ARHGAP24: variants seen among roughly 807,000 people sequenced by gnomAD.
ARHGAP24 encodes the protein Rho GTPase activating protein 24.
Under a neutral mutation model 76.4 loss-of-function variants are expected in ARHGAP24, and 50 were observed. The observed-to-expected ratio is 0.65, with a 90% CI of 0.52 to 0.83. The LOEUF is 0.83. Ranked by LOEUF, ARHGAP24 falls within the 40% of genes least tolerant of loss-of-function variation. The pLI, the probability that ARHGAP24 is intolerant of heterozygous loss-of-function variation, is 0.00. For synonymous variants in ARHGAP24, 345 were observed against 323.3 expected (o/e 1.07, Z -0.72); for missense variants, 930 against 914.2 (o/e 1.02, Z -0.22).
intron 2 of ARHGAP24, among the ~76,000 whole-genome samples, chr4:85,623,677 T>C (rs1219176617): frequency 2.0e-5 from 3 of 151,822 alleles, no homozygotes; most frequent in Admixed American, 1.3e-4. Flanking sequence ...TAAATTACCA[T>C]GGGCAGTATG....
chr4:85,492,068 T>C lies in ARHGAP24; in HGVS notation c.-21+16509T>C, dbSNP rs181841476. On this transcript the variant is annotated intron_variant, in intron 1 of 9. Transcript: ENST00000395184. ...TCCTCGCCATTCCCTCTTCCTCCCG[T>C]ATTTCCTCCCTCTTCCCTCCTCCCT... is the stretch of plus-strand genomic sequence containing the variant. Among the ~76,000 whole-genome samples, 359 of 151,932 alleles carry C rather than the reference T, an allele frequency of 2.4e-3. 1 individual carries two copies. Among genetic ancestry groups the C allele is most frequent in the African/African-American group, 7.1e-3 (294 of 41,438 alleles).
intron 3 of ARHGAP24, among the ~76,000 whole-genome samples, chr4:85,902,617 T>A (rs1734563858): frequency 6.6e-6 from 1 of 152,182 alleles, no homozygotes; most frequent in Non-Finnish European, 1.5e-5. Context: ...ATTTTTTATT[T>A]TTTTGAACCG....
At chr4:85,943,303 A>G (rs937133337) in intron 5 of ARHGAP24, among the ~76,000 whole-genome samples, 1 of 152,178 alleles carries the variant, frequency 6.6e-6, no homozygotes. Flanking sequence ...TGATTTATAA[A>G]CAAAATTTAT....
In ARHGAP24 at chr4:85,995,278, A is replaced by G; in HGVS notation, c.1624A>G (p.Met542Val). ...TAATGTCCATCAACAGTTCTCCATG[A>G]TGAACCTTGATGACAAGCAGAGCAT... ...YDNVHQQFSM[M>V]NLDDKQSIDS... The change falls in exon 9 of 10, where the codon ATG becomes GTG. Residue 542 changes from methionine (M) to valine (V), a missense_variant. Transcript: ENST00000395184. 6.2e-7 allele frequency: 1 copy of G among 1,614,032 alleles called. No homozygotes were observed. The highest frequency in any genetic ancestry group is 1.3e-5 in the African/African-American group (1 of 74,992).
At chr4:85,621,993 G>A (rs1286665515) in intron 2 of ARHGAP24, among the ~76,000 whole-genome samples, 6 of 151,762 alleles carry the variant, frequency 4.0e-5, no homozygotes, top group Non-Finnish European at 2.9e-5. Context: ...ATTGCTTCTC[G>A]CTTAGAACTT....
At chr4:85,664,521 G>T (rs548928922) in intron 2 of ARHGAP24, among the ~76,000 whole-genome samples, 1 of 150,362 alleles carries the variant, frequency 6.7e-6, no homozygotes, top group East Asian at 1.9e-4. Flanking sequence ...CTTCAGTTCT[G>T]CTCTGATTTT....
intron 3 of ARHGAP24, among the ~76,000 whole-genome samples, chr4:85,894,330 G>A (rs184293652): frequency 6.6e-6 from 1 of 152,064 alleles, no homozygotes; most frequent in African/African-American, 2.4e-5. Context: ...ACAAGAAGAG[G>A]GTCACTATTT....
intron 6 of ARHGAP24, among the ~76,000 whole-genome samples, chr4:85,973,999 A>T: frequency 7.2e-6 from 1 of 138,912 alleles, no homozygotes. Context: ...CCCGCCACCA[A>T]GCCTGGCTAA....
At chr4:85,795,365 A>G (rs1309034733) in intron 3 of ARHGAP24, among the ~76,000 whole-genome samples, 2 of 152,140 alleles carry the variant, frequency 1.3e-5, no homozygotes, top group Non-Finnish European at 2.9e-5. Context: ...TATTGGTTGT[A>G]GATTCCAGCA....
chr4:85,886,578 GT>G (rs1733580352), intron 3 of ARHGAP24, among the ~76,000 whole-genome samples: 1 of 152,102 alleles, frequency 6.6e-6, no homozygotes, highest in Non-Finnish European at 1.5e-5. Context: ...GGGAATGATA[GT>G]CATTTAGTGT....
chr4:85,775,072 T>C (rs1472305112), intron 3 of ARHGAP24, among the ~76,000 whole-genome samples: 18 of 152,020 alleles, frequency 1.2e-4, no homozygotes, highest in Admixed American at 1.2e-3. Flanking sequence ...ACTACTAAAA[T>C]GGATAATAAG....
intron 1 of ARHGAP24, among the ~76,000 whole-genome samples, chr4:85,557,195 A>G (rs1726417219): frequency 6.6e-6 from 1 of 152,190 alleles, no homozygotes; most frequent in Non-Finnish European, 1.5e-5. Flanking sequence ...CCCCAGGCCA[A>G]TGGGCCTTAT....
intron 1 of ARHGAP24, among the ~76,000 whole-genome samples, chr4:85,527,381 G>A (rs1349126579): frequency 6.6e-6 from 1 of 151,932 alleles, no homozygotes; most frequent in African/African-American, 2.4e-5. Flanking sequence ...ATGATAAATG[G>A]CATATTTTCT....
intron 2 of ARHGAP24, among the ~76,000 whole-genome samples, chr4:85,716,211 C>T (rs1013190509): frequency 2.0e-5 from 3 of 152,012 alleles, no homozygotes; most frequent in African/African-American, 7.2e-5. Context: ...CTACCCTTAC[C>T]CCAATCTCTT....
chr4:85,681,710 T>A lies in ARHGAP24; in HGVS notation c.181-40175T>A, dbSNP rs149852334. The stretch of plus-strand genomic sequence containing the variant: ...GCATGCAAAACACAATAGGTAACAG[T>A]TCTTCATGCAGGATCCTCTACAGGA... On this transcript the variant is annotated intron_variant, in intron 2 of 9. Transcript: ENST00000395184. Among the ~76,000 whole-genome samples, 772 of 152,322 alleles carry A rather than the reference T, an allele frequency of 5.1e-3. 4 individuals carry two copies. Among genetic ancestry groups the A allele is most frequent in the African/African-American group, 0.018 (740 of 41,562 alleles).
intron 3 of ARHGAP24, among the ~76,000 whole-genome samples, chr4:85,866,720 TCCCTTC>T (rs1350185033): frequency 3.9e-5 from 6 of 152,038 alleles, no homozygotes; most frequent in Non-Finnish European, 8.8e-5. Flanking sequence ...CACCCACACC[TCCCTTC>T]CCCTGTGCCT....
chr4:85,726,499 C>G (rs1428422732), intron 3 of ARHGAP24, among the ~76,000 whole-genome samples: 2 of 152,132 alleles, frequency 1.3e-5, no homozygotes, highest in East Asian at 3.9e-4. Context: ...TGATCCCTCT[C>G]AAGTTTGCTT....
rs988420557 is a variant in ARHGAP24, at chr4:85,830,250, G to A, written c.269-93398G>A. Reference sequence around the variant, plus strand: ...CCTTGGACAAGGAAGCAGTTTTGATGTATCCCTTGGGACCAGGGAAAATCC... The same window carrying A: ...CCTTGGACAAGGAAGCAGTTTTGATATATCCCTTGGGACCAGGGAAAATCC... On this transcript the variant is annotated intron_variant, in intron 3 of 9. Transcript: ENST00000395184. Among the ~76,000 whole-genome samples the A allele has an allele frequency of 8.5e-5, 13 of 152,256 alleles. No homozygotes were observed. In the South Asian group the frequency reaches 2.3e-3, roughly 27 times the overall value.
chr4:85,494,570 A>G (rs1339132840), intron 1 of ARHGAP24, among the ~76,000 whole-genome samples: 2 of 151,692 alleles, frequency 1.3e-5, no homozygotes, highest in South Asian at 2.1e-4. Context: ...AGTCTCAGCT[A>G]CCCGGGAGGC....
Sources: gnomAD v4.1 joint callset for allele counts (sites outside exome capture counted in the v4.1 genomes callset) on GRCh38, gnomAD v4.1.1 for gene constraint, MANE v1.5 for transcripts, NCBI Gene and HGNC (gene_info 2026-07-23, HGNC 2026-07-21) for gene names.